Variants in SEPTIN11 observed in about 807,000 individuals in gnomAD.
The protein encoded by SEPTIN11 is septin-11.
Under a neutral mutation model 51.4 loss-of-function variants are expected in SEPTIN11, and 25 were observed. That is an observed-to-expected ratio of 0.49 (90% CI 0.35 to 0.68). SEPTIN11 has a LOEUF of 0.68. Ranked by LOEUF, SEPTIN11 falls within the 30% of genes least tolerant of loss-of-function variation. The pLI, the probability that SEPTIN11 is intolerant of heterozygous loss-of-function variation, is 0.00. For synonymous variants in SEPTIN11, 174 were observed against 184.1 expected (o/e 0.95, Z 0.44); for missense variants, 381 against 520.8 (o/e 0.73, Z 2.61).
At position 76,949,764 on chromosome 4, in the gene SEPTIN11, C is replaced by A; in HGVS notation, c.-140C>A. The A allele has an allele frequency of 1.2e-6, 1 of 865,184 alleles. No homozygotes were observed. Among genetic ancestry groups the A allele is most frequent in the Non-Finnish European group, 1.7e-6 (1 of 588,028 alleles). 53.6% of individuals were successfully genotyped at this position (865,184 alleles called of 1,614,324 possible). A position where few individuals can be genotyped will look rare whatever the true frequency, so the allele number is the denominator to read the frequency against. On this transcript the variant is annotated 5_prime_UTR_variant, in exon 1 of 10. The change creates a new upstream start codon in the 5' untranslated region. Coordinates refer to ENST00000264893, the MANE Select transcript of SEPTIN11 (RefSeq NM_018243.4). The stretch of plus-strand genomic sequence containing the variant: ...GGCGGCGTGGGGGGAGCAGATGCCG[C>A]TGGCTGCCAGCGGGACGCCGGCGAG...
intron 1 of SEPTIN11, among the ~76,000 whole-genome samples, chr4:76,956,615 C>A (rs918082388): frequency 1.1e-4 from 16 of 152,174 alleles, no homozygotes. Context: ...TGGCAGAGGA[C>A]AAAGAGACAT....
intron 1 of SEPTIN11, among the ~76,000 whole-genome samples, chr4:76,958,159 G>T (rs12186337): frequency 6.6e-6 from 1 of 152,028 alleles, no homozygotes; most frequent in Non-Finnish European, 1.5e-5. Context: ...CTACCTGGCT[G>T]TTGCTGTGTC....
downstream of SEPTIN11, chr4:77,039,370 C>T: frequency 9.2e-7 from 1 of 1,088,678 alleles, no homozygotes; most frequent in Non-Finnish European, 1.1e-6. Context: ...GGCCAAGACC[C>T]AAGGTCTTGT....
chr4:77,023,984 G>A (rs1578199841), intron 7 of SEPTIN11, among the ~76,000 whole-genome samples: 1 of 152,154 alleles, frequency 6.6e-6, no homozygotes, highest in African/African-American at 2.4e-5. Context: ...GCATGGGTGT[G>A]CAGTGAAGTT....
At chr4:77,000,610 C>T (rs111880266) in intron 2 of SEPTIN11, among the ~76,000 whole-genome samples, 6 of 152,086 alleles carry the variant, frequency 3.9e-5, no homozygotes, top group East Asian at 1.9e-4. Flanking sequence ...GTTTAACATA[C>T]GACAGATTTA....
chr4:76,960,237 G>T (rs1232544395), intron 1 of SEPTIN11, among the ~76,000 whole-genome samples: 2 of 152,096 alleles, frequency 1.3e-5, no homozygotes, highest in South Asian at 2.1e-4. Context: ...TAGTACTTTG[G>T]CCTGATAATT....
Position 76,991,561 on chromosome 4 carries a change from A to C in SEPTIN11, c.28-4864A>C, listed in dbSNP as rs190547182. ...CACTTCAGGTATACATTCATAAGAA[A>C]GTGACCTTTTGGGCATAGAAACATT... On this transcript the variant is annotated intron_variant, in intron 1 of 9. Transcript: ENST00000264893. Among the ~76,000 whole-genome samples the C allele has an allele frequency of 1.5e-3, 205 of 136,664 alleles. 1 individual carries two copies. The highest frequency in any genetic ancestry group is 5.1e-3 in the African/African-American group (199 of 38,924). 89.7% of individuals were successfully genotyped at this position (136,664 alleles called of 152,430 possible).
At chr4:77,001,476 A>G (rs1010479074) in intron 2 of SEPTIN11, among the ~76,000 whole-genome samples, 13 of 151,806 alleles carry the variant, frequency 8.6e-5, no homozygotes, top group African/African-American at 3.1e-4. Flanking sequence ...CAGCCTTCCA[A>G]GTAGCTGGGA....
intron 1 of SEPTIN11, among the ~76,000 whole-genome samples, chr4:76,993,994 G>T (rs1302093868): frequency 1.3e-5 from 2 of 152,110 alleles, no homozygotes; most frequent in African/African-American, 4.8e-5. Context: ...CCCAGGATTG[G>T]TTCATAGGTG....
At chr4:77,015,866 G>C (rs1476535646) in intron 5 of SEPTIN11, among the ~76,000 whole-genome samples, 1 of 152,174 alleles carries the variant, frequency 6.6e-6, no homozygotes. Context: ...TTGTGCAAAA[G>C]AATGAATGGA....
chr4:76,961,474 C>T (rs1354618717), intron 1 of SEPTIN11, among the ~76,000 whole-genome samples: 2 of 152,190 alleles, frequency 1.3e-5, no homozygotes, highest in African/African-American at 4.8e-5. Context: ...AGATGCTCCT[C>T]AGCTTGCAGT....
At chr4:77,018,425 G>GT (rs2109967318) in intron 5 of SEPTIN11, among the ~76,000 whole-genome samples, 1 of 151,142 alleles carries the variant, frequency 6.6e-6, no homozygotes, top group Non-Finnish European at 1.5e-5. Context: ...CTCCAGCCTG[G>GT]GCAACAGAGC....
intron 7 of SEPTIN11, 142 bp from the exon 8 acceptor site, chr4:77,028,487 C>T (rs190510786): frequency 4.4e-6 from 4 of 913,664 alleles, no homozygotes; most frequent in Non-Finnish European, 5.0e-6. Context: ...AAAAGCAAAA[C>T]AGTGTCATTC....
intron 1 of SEPTIN11, among the ~76,000 whole-genome samples, chr4:76,956,891 G>A (rs1273641149): frequency 6.6e-6 from 1 of 151,634 alleles, no homozygotes; most frequent in African/African-American, 2.4e-5. Context: ...TTTTAAAATT[G>A]TATCCCTGTC....
intron 7 of SEPTIN11, 41 bp from the exon 8 acceptor site, chr4:77,028,588 C>T (rs201233964): frequency 6.5e-7 from 1 of 1,538,078 alleles, no homozygotes; most frequent in African/African-American, 1.4e-5. Context: ...TCTTAGTATA[C>T]AATTTCATGA....
At position 77,028,878 on chromosome 4, in the gene SEPTIN11, A is replaced by C. The variant is rs1726386605; in HGVS notation, c.1086+117A>C. 35 of 1,106,080 alleles carry C rather than the reference A, an allele frequency of 3.2e-5. No individual in the cohort carries two copies. The South Asian group carries it at 7.7e-4, about 24-fold the overall frequency. 68.5% of individuals were successfully genotyped at this position (1,106,080 alleles called of 1,614,324 possible). A position where few individuals can be genotyped will look rare whatever the true frequency, so the allele number is the denominator to read the frequency against. On this transcript the variant is annotated intron_variant, in intron 8 of 9. Coordinates refer to ENST00000264893, the MANE Select transcript of SEPTIN11 (RefSeq NM_018243.4). ...TACTTTCTACATGCATTTTGTCACG[A>C]GTGACCTGCCAACCTGGCCAGGAAA...
intron 1 of SEPTIN11, among the ~76,000 whole-genome samples, chr4:76,976,067 G>T (rs1161975584): frequency 2.0e-5 from 3 of 152,190 alleles, no homozygotes; most frequent in Non-Finnish European, 2.9e-5. Flanking sequence ...TTTGGGCTGG[G>T]TGTTGGGTAT....
At chr4:77,004,158 G>C (rs982741784) in intron 2 of SEPTIN11, among the ~76,000 whole-genome samples, 3 of 152,142 alleles carry the variant, frequency 2.0e-5, no homozygotes, top group Non-Finnish European at 4.4e-5. Context: ...TATTTTGAGG[G>C]TTGGGCTGCA....
rs1021452483 is a variant in SEPTIN11 at position 77,028,751 on chromosome 4, C to A, written c.1076C>A (p.Ala359Glu). The A allele has an allele frequency of 6.2e-7, 1 of 1,611,384 alleles. No individual in the cohort carries two copies. The highest frequency in any genetic ancestry group is 8.5e-7 in the Non-Finnish European group (1 of 1,179,162). The change falls in exon 8 of 10, where the codon GCA (alanine) becomes GAA (glutamate). Residue 359 changes from alanine to glutamate, a missense_variant. By Grantham distance (107) the Ala-to-Glu change is moderately radical (BLOSUM62 -1). Coordinates refer to ENST00000264893, the MANE Select transcript of SEPTIN11 (RefSeq NM_018243.4). The part of the protein sequence containing the change: ...VKEKEAELKE[A>E]EKELHEKFDL... ...GAGAAAGAAGCTGAACTTAAGGAGG[C>A]AGAGAAAGAGGTAAGCCATCTGTCC...
Sources: gnomAD v4.1 joint callset for allele counts (sites outside exome capture counted in the v4.1 genomes callset) on GRCh38, gnomAD v4.1.1 for gene constraint, MANE v1.5 for transcripts, NCBI Gene and HGNC (gene_info 2026-07-23, HGNC 2026-07-21) for gene names.